GLIS3: variants seen among roughly 807,000 people sequenced by gnomAD.
GLIS3 encodes GLIS family zinc finger 3, also known as zinc finger protein GLIS3.
GLIS3 carries 53 observed loss-of-function variants against 78.6 expected under a neutral mutation model. That is an observed-to-expected ratio of 0.67 (90% confidence interval 0.54 to 0.85). GLIS3 has a LOEUF of 0.85. GLIS3 is among the 40% of genes least tolerant of loss of function. The pLI is 0.00. For synonymous variants in GLIS3, 684 were observed against 509.9 expected (o/e 1.34, Z -4.60); for missense variants, 1,703 against 1,231.1 (o/e 1.38, Z -5.74).
intron 2 of GLIS3, among the ~76,000 whole-genome samples, chr9:4,189,011 A>G (rs956189248): frequency 1.3e-5 from 2 of 151,636 alleles, no homozygotes; most frequent in African/African-American, 4.9e-5. Flanking sequence ...TTCTGCTCTG[A>G]TTTTAGTTAT....
Position 4,118,560 on chromosome 9 carries a change from G to A in GLIS3, c.918C>T (p.Ser306=). 6.2e-7 allele frequency: 1 copy of A among 1,614,256 alleles called. No homozygotes were observed. Among genetic ancestry groups the A allele is most frequent in the Non-Finnish European group, 8.5e-7 (1 of 1,180,044 alleles). Residue 306 remains serine (S), a synonymous_variant, in exon 4 of 11, where the codon TCC becomes TCT. Coordinates refer to ENST00000381971, the MANE Select transcript of GLIS3 (RefSeq NM_001042413.2). This position sits in a 1 kb window ranked among gnomAD's most constrained non-coding sequence, Gnocchi z 4.7. ...CTATCCCGATGCCATCGGACAGCGG[G>A]GACAAGGACAGCGCTCTCTTCTTGG... ...ARSKKRALSL[S]PLSDGIGIDF...
chr9:4,436,846 G>A, the GLIS3 span, among the ~76,000 whole-genome samples: 3 of 145,284 alleles, frequency 2.1e-5, no homozygotes, highest in Non-Finnish European at 4.5e-5. Flanking sequence ...AGAGATAGAA[G>A]GCAAGAATTT....
At chr9:4,345,016 T>C (rs1817880341) in intron 2 of GLIS3, among the ~76,000 whole-genome samples, 1 of 152,208 alleles carries the variant, frequency 6.6e-6, no homozygotes, top group Non-Finnish European at 1.5e-5. Context: ...TTCCACACCT[T>C]ATGTCCCTCT....
At chr9:4,283,925 A>C (rs1827771728) in intron 2 of GLIS3, among the ~76,000 whole-genome samples, 1 of 152,234 alleles carries the variant, frequency 6.6e-6, no homozygotes, top group Non-Finnish European at 1.5e-5. Flanking sequence ...ATGCAGATCC[A>C]GGAGGAGCAC....
At chr9:4,201,413 C>G (rs1819382434) in intron 2 of GLIS3, among the ~76,000 whole-genome samples, 1 of 152,166 alleles carries the variant, frequency 6.6e-6, no homozygotes, top group African/African-American at 2.4e-5. Context: ...TGTGGAAAAT[C>G]TGATTCTATA....
chr9:4,043,435 C>A (rs557836517), intron 4 of GLIS3, among the ~76,000 whole-genome samples: 1 of 152,034 alleles, frequency 6.6e-6, no homozygotes, highest in East Asian at 1.9e-4. Flanking sequence ...TGGTAGGATT[C>A]CCAGGAGATA....
chr9:4,295,056 G>T (rs988642271), intron 1 of GLIS3, among the ~76,000 whole-genome samples: 1 of 152,192 alleles, frequency 6.6e-6, no homozygotes, highest in African/African-American at 2.4e-5. Context: ...AAGTGGCACA[G>T]AAATTCTATT....
intron 4 of GLIS3, among the ~76,000 whole-genome samples, chr9:4,053,374 G>A (rs969089080): frequency 2.0e-5 from 3 of 152,160 alleles, no homozygotes; most frequent in African/African-American, 7.2e-5. Flanking sequence ...TTTTGGTCAA[G>A]CAAGTTGCAA....
chr9:4,207,716 G>A (rs1820005780), intron 2 of GLIS3, among the ~76,000 whole-genome samples: 1 of 152,156 alleles, frequency 6.6e-6, no homozygotes, highest in African/African-American at 2.4e-5. Flanking sequence ...TATACTGGTT[G>A]CCCAAAGCCA....
At chr9:4,146,315 G>A (rs1396409459) in intron 2 of GLIS3, among the ~76,000 whole-genome samples, 1 of 152,180 alleles carries the variant, frequency 6.6e-6, no homozygotes, top group Non-Finnish European at 1.5e-5. Flanking sequence ...TTCTAGATAA[G>A]AAATTTGATA....
At chr9:4,158,323 C>G (rs59991707) in intron 2 of GLIS3, among the ~76,000 whole-genome samples, 2 of 152,184 alleles carry the variant, frequency 1.3e-5, no homozygotes, top group Non-Finnish European at 2.9e-5. Context: ...ATCCCTGATA[C>G]ATGTGTCCAA....
intron 4 of GLIS3, chr9:4,305,614 G>C (rs965285316): frequency 3.3e-5 from 5 of 152,182 alleles, no homozygotes. Flanking sequence ...CTGGCCATAG[G>C]GATTGGTTAA....
At chr9:3,895,903 T>G (rs1450989594) in intron 7 of GLIS3, among the ~76,000 whole-genome samples, 1 of 152,210 alleles carries the variant, frequency 6.6e-6, no homozygotes, top group East Asian at 1.9e-4. Context: ...CGGGTTTCCA[T>G]CAAAATATTT....
intron 4 of GLIS3, among the ~76,000 whole-genome samples, chr9:4,095,634 A>C (rs1177858549): frequency 1.3e-5 from 2 of 152,210 alleles, no homozygotes; most frequent in African/African-American, 4.8e-5. Flanking sequence ...CCTCTTGAAC[A>C]AGACAACACT....
chr9:3,856,349 C>T (rs1220100663), intron 8 of GLIS3, among the ~76,000 whole-genome samples, 165 bp from the exon 9 acceptor site: 1 of 152,162 alleles, frequency 6.6e-6, no homozygotes, highest in Non-Finnish European at 1.5e-5. Flanking sequence ...CTCTCTCCCT[C>T]CCCACTGCCA....
chr9:4,266,760 T>A (rs950529436), intron 2 of GLIS3, among the ~76,000 whole-genome samples: 5 of 152,228 alleles, frequency 3.3e-5, no homozygotes, highest in Non-Finnish European at 7.3e-5. Flanking sequence ...ATTCAAAGAT[T>A]AGAAGTTACT....
chr9:4,200,819 C>G (rs777867486), intron 2 of GLIS3, among the ~76,000 whole-genome samples: 1 of 152,140 alleles, frequency 6.6e-6, no homozygotes, highest in Admixed American at 6.5e-5. Flanking sequence ...TGGAACGACT[C>G]CTGCCTAACT....
At chr9:4,180,799 C>T (rs918914684) in intron 2 of GLIS3, among the ~76,000 whole-genome samples, 12 of 152,160 alleles carry the variant, frequency 7.9e-5, no homozygotes, top group East Asian at 1.9e-4. Flanking sequence ...TGAGGAGCGG[C>T]GGTGTAGCAG....
intron 1 of GLIS3, among the ~76,000 whole-genome samples, chr9:4,292,788 C>G (rs1301862762): frequency 6.6e-5 from 10 of 152,192 alleles, no homozygotes; most frequent in Non-Finnish European, 4.4e-5. Flanking sequence ...CCCTCTTACA[C>G]TGCTAAAGTG....
Sources: allele counts gnomAD v4.1 joint callset (sites outside exome capture counted in the v4.1 genomes callset), GRCh38; gene constraint gnomAD v4.1.1; non-coding constraint Gnocchi (gnomAD v3.1); transcripts MANE v1.5; gene names NCBI Gene and HGNC (gene_info 2026-07-23, HGNC 2026-07-21).